The following NSUN7 variants were observed in gnomAD, a reference collection of about 807,000 sequenced individuals.
NSUN7 encodes the protein NOP2/Sun RNA methyltransferase family member 7.
NSUN7 carries 39 observed loss-of-function variants against 58.5 expected under a neutral mutation model. The ratio of observed to expected loss-of-function variants is 0.67; its 90% confidence interval spans 0.52 to 0.87. NSUN7 has a LOEUF of 0.87. NSUN7 is among the 40% of genes least tolerant of loss of function. The pLI, the probability that NSUN7 is intolerant of heterozygous loss-of-function variation, is 0.00. For synonymous variants in NSUN7, 278 were observed against 303.7 expected (o/e 0.92, Z 0.88); for missense variants, 765 against 844.1 (o/e 0.91, Z 1.16).
intron 11 of NSUN7, 82 bp downstream of exon 11, chr4:40,807,266 GCA>G: frequency 7.8e-7 from 1 of 1,280,100 alleles, no homozygotes; most frequent in South Asian, 1.4e-5. Context: ...CAGGAACTTT[GCA>G]CATTCTGTAA....
At chr4:40,786,343 G>A in intron 7 of NSUN7, 2 of 1,612,078 alleles carry the variant, frequency 1.2e-6, no homozygotes, top group Non-Finnish European at 1.7e-6. Context: ...GGATGTAGGT[G>A]GTCAGGAGAA....
At position 40,790,755 on chromosome 4, in the gene NSUN7, T is replaced by C; in HGVS notation, c.1180+10T>C. The C allele has an allele frequency of 1.9e-6, 3 of 1,549,000 alleles. No homozygotes were observed. The highest frequency in any genetic ancestry group is 2.6e-6 in the Non-Finnish European group (3 of 1,146,714). ...TTAAATGAACATGAAGGTACTTGTT[T>C]TAATTTCTAAATTATTGAAATTAGT... On this transcript the variant is annotated intron_variant, in intron 8 of 11. Transcript: ENST00000381782.
chr4:40,762,938 G>GATCATCTAATGCTTGAT (rs1414243680), intron 4 of NSUN7, among the ~76,000 whole-genome samples: 1 of 117,082 alleles, frequency 8.5e-6, no homozygotes, highest in Admixed American at 8.3e-5. Flanking sequence ...GATGATCTGA[G>GATCATCTAATGCTTGAT]GTGGAACAGT....
In NSUN7 at chr4:40,798,852, G is replaced by A. The variant is rs141995421; in HGVS notation, c.1348G>A (p.Val450Ile). 8.7e-6 allele frequency: 14 copies of A among 1,612,402 alleles called. No homozygotes were observed. Among genetic ancestry groups the A allele is most frequent in the African/African-American group, 2.7e-5 (2 of 74,836 alleles). ...TTTTCCAGAAGAAAATGAAGCTGTT[G>A]TTAAGAAAGCACTGGAATTTCAAGA... is the stretch of plus-strand genomic sequence containing the variant. ...SVFPEENEAV[V>I]KKALEFQDLG... The change falls in exon 10 of 12, where the codon GTT (valine) becomes ATT (isoleucine). Residue 450 changes from valine (V) to isoleucine (I), a missense_variant. Coordinates refer to ENST00000381782, the MANE Select transcript of NSUN7 (RefSeq NM_024677.6).
chr4:40,766,728 GGTAA>G (rs924440470), intron 4 of NSUN7, among the ~76,000 whole-genome samples: 5 of 152,000 alleles, frequency 3.3e-5, no homozygotes, highest in Admixed American at 2.6e-4. Context: ...TTTTTTGGTT[GGTAA>G]GCTATTGATT....
At chr4:40,803,761 A>G (rs1428232554) in intron 10 of NSUN7, among the ~76,000 whole-genome samples, 7 of 152,200 alleles carry the variant, frequency 4.6e-5, no homozygotes, top group Non-Finnish European at 1.0e-4. Context: ...TAGGAGTCCA[A>G]ATTCCTTCTT....
chr4:40,754,176 C>T (rs1294122560), intron 2 of NSUN7, among the ~76,000 whole-genome samples: 1 of 146,712 alleles, frequency 6.8e-6, no homozygotes, highest in Non-Finnish European at 1.5e-5. Flanking sequence ...CAGAGTCTTG[C>T]TCTGTCACCC....
rs141390719 is a variant in NSUN7, at chr4:40,806,937, A to G, written c.1401-124A>G. 8.9e-5 allele frequency: 86 copies of G among 966,202 alleles called. 1 individual carries two copies. The East Asian group carries it at 2.1e-3, about 23-fold the overall frequency. 59.9% of individuals were successfully genotyped at this position (966,202 alleles called of 1,614,324 possible). On this transcript the variant is annotated intron_variant, in intron 10 of 11. Transcript: ENST00000381782. Reference sequence around the variant, plus strand: ...AGGCTGCTTCAGAATTGTGTTCTTGATTGGAATTTCTGTTTAAACGATTGG... The same window carrying G: ...AGGCTGCTTCAGAATTGTGTTCTTGGTTGGAATTTCTGTTTAAACGATTGG...
At chr4:40,778,717 C>T (rs113268641) in intron 7 of NSUN7, among the ~76,000 whole-genome samples, 29 of 152,282 alleles carry the variant, frequency 1.9e-4, no homozygotes, top group Non-Finnish European at 2.8e-4. Context: ...ACTAAGGTAA[C>T]ATATTAGGCA....
chr4:40,807,190 G>A lies in NSUN7; in HGVS notation c.1524+6G>A, dbSNP rs1359293715. On this transcript the variant is annotated splice_donor_region_variant and intron_variant, in intron 11 of 11. Transcript: ENST00000381782. ...TTTCTATTTTAACAAGGGAGGTAAG[G>A]AAAAAAAATCCTAATCCATGTCATA... is the stretch of plus-strand genomic sequence containing the variant. 8 of 1,540,246 alleles carry A rather than the reference G, an allele frequency of 5.2e-6. No individual in the cohort carries two copies. In the Admixed American group the frequency reaches 6.3e-5, roughly 12 times the overall value.
intron 2 of NSUN7, among the ~76,000 whole-genome samples, chr4:40,756,090 A>C (rs1176583021): frequency 3.3e-5 from 5 of 150,350 alleles, no homozygotes; most frequent in African/African-American, 1.2e-4. Flanking sequence ...GACCCCAGGA[A>C]AAAAAAAAAG....
In NSUN7 at chr4:40,775,151, A is replaced by T; in HGVS notation, c.825+201A>T. ...TGGCGTCTTTGTCTCATGTGAATTTATAAAGAACATATTCTTCTCCCAGAT... is the reference window on the plus strand; with the variant it reads ...TGGCGTCTTTGTCTCATGTGAATTTTTAAAGAACATATTCTTCTCCCAGAT... On this transcript the variant is annotated intron_variant, in intron 6 of 11. Transcript: ENST00000381782. This position sits in a 1 kb window ranked among gnomAD's most constrained non-coding sequence, Gnocchi z 4.3. 3.5e-6 allele frequency: 1 copy of T among 282,986 alleles called. No homozygotes were observed. The highest frequency in any genetic ancestry group is 6.5e-6 in the Non-Finnish European group (1 of 152,978). 17.5% of individuals were successfully genotyped at this position (282,986 alleles called of 1,614,324 possible).
intron 3 of NSUN7, among the ~76,000 whole-genome samples, chr4:40,760,913 C>A (rs188674461): frequency 6.9e-6 from 1 of 145,210 alleles, no homozygotes; most frequent in Admixed American, 6.7e-5. Flanking sequence ...ATTGAAACCT[C>A]TTAAATCTTA....
chr4:40,780,169 G>A (rs1429963450), intron 7 of NSUN7, among the ~76,000 whole-genome samples: 1 of 152,014 alleles, frequency 6.6e-6, no homozygotes, highest in Admixed American at 6.6e-5. Flanking sequence ...AGTCCCAGCT[G>A]CTTGGTAGGC....
At chr4:40,794,906 G>A (rs879814833) in intron 9 of NSUN7, among the ~76,000 whole-genome samples, 8 of 152,072 alleles carry the variant, frequency 5.3e-5, no homozygotes, top group Admixed American at 1.3e-4. Context: ...AGGTGCAATC[G>A]CAGAGAAAGC....
At chr4:40,786,399 T>C in intron 7 of NSUN7, 1 of 1,612,028 alleles carries the variant, frequency 6.2e-7, no homozygotes, top group Non-Finnish European at 8.5e-7. Context: ...CAGATGGCAT[T>C]GTGTTTGTTG....
rs1330984649 is a variant in NSUN7, at chr4:40,806,892, TTATAA to T, written c.1401-166_1401-162del. 4.6e-5 allele frequency among the ~76,000 whole-genome samples: 7 copies of T among 152,340 alleles called. No individual in the cohort carries two copies. In the East Asian group the frequency reaches 1.3e-3, roughly 29 times the overall value. Reference sequence around the variant, plus strand: ...AATATAAAATATTAGAGCTTTTAACTTATAATAGTATTTAGGGAAAGGCTGCTTCA... The same window carrying T: ...AATATAAAATATTAGAGCTTTTAACTTAGTATTTAGGGAAAGGCTGCTTCA... On this transcript the variant is annotated intron_variant, in intron 10 of 11. Coordinates refer to ENST00000381782, the MANE Select transcript of NSUN7 (RefSeq NM_024677.6).
intron 1 of NSUN7, 123 bp from the exon 2 acceptor site, chr4:40,750,480 T>C (rs1193333831): frequency 2.1e-6 from 1 of 481,192 alleles, no homozygotes; most frequent in African/African-American, 2.0e-5. Context: ...AGGCTCGAAG[T>C]CTGGGACACT....
intron 7 of NSUN7, among the ~76,000 whole-genome samples, chr4:40,781,984 T>C (rs1303476351): frequency 6.6e-6 from 1 of 152,146 alleles, no homozygotes; most frequent in African/African-American, 2.4e-5. Context: ...ATGTACCTAA[T>C]AACATAGTCC....
Sources: allele counts gnomAD v4.1 joint callset (sites outside exome capture counted in the v4.1 genomes callset), GRCh38; gene constraint gnomAD v4.1.1; non-coding constraint Gnocchi (gnomAD v3.1); transcripts MANE v1.5; gene names NCBI Gene and HGNC (gene_info 2026-07-23, HGNC 2026-07-21).